KAZN: variants seen among roughly 807,000 people sequenced by gnomAD.
The protein encoded by KAZN is kazrin.
Under a neutral mutation model 87.4 loss-of-function variants are expected in KAZN, and 40 were observed. The observed-to-expected ratio is 0.46, with a 90% CI of 0.36 to 0.60. The LOEUF (loss-of-function observed/expected upper bound fraction) is 0.60, where lower values mean the gene tolerates loss of function less well. Ranked by LOEUF, KAZN falls within the 20% of genes least tolerant of loss-of-function variation. The pLI is 0.00. For synonymous variants in KAZN, 466 were observed against 458.3 expected (o/e 1.02, Z -0.22); for missense variants, 898 against 1,073.9 (o/e 0.84, Z 2.29).
chr1:14,118,053 G>T (rs1210868922), intron 1 of KAZN, among the ~76,000 whole-genome samples: 1 of 152,168 alleles, frequency 6.6e-6, no homozygotes, highest in Non-Finnish European at 1.5e-5. Context: ...TGAGACCGGG[G>T]CGTTGCATGG....
At chr1:13,907,775 A>G (rs540743341) in intron 1 of KAZN, among the ~76,000 whole-genome samples, 2 of 152,200 alleles carry the variant, frequency 1.3e-5, no homozygotes, top group East Asian at 3.9e-4. Flanking sequence ...ATGAAAGCTC[A>G]GTCTCCCCAT....
intron 2 of KAZN, among the ~76,000 whole-genome samples, chr1:14,291,868 T>C (rs1345847678): frequency 6.6e-6 from 1 of 152,220 alleles, no homozygotes; most frequent in African/African-American, 2.4e-5. Flanking sequence ...CCCCTGTGCT[T>C]GGCAGTTCTC....
At chr1:14,108,700 G>A (rs1644433285) in intron 1 of KAZN, among the ~76,000 whole-genome samples, 1 of 152,116 alleles carries the variant, frequency 6.6e-6, no homozygotes, top group Admixed American at 6.5e-5. Context: ...TTTATCTTTA[G>A]AACAAGCTGG....
intron 2 of KAZN, among the ~76,000 whole-genome samples, chr1:14,364,683 A>G (rs1181620913): frequency 6.6e-6 from 1 of 152,206 alleles, no homozygotes; most frequent in Non-Finnish European, 1.5e-5. Context: ...GACTTAAAAC[A>G]ACAGAAATTC....
chr1:15,020,698 A>G (rs963580147), intron 2 of KAZN, among the ~76,000 whole-genome samples: 1 of 152,086 alleles, frequency 6.6e-6, no homozygotes, highest in Non-Finnish European at 1.5e-5. Flanking sequence ...GGGAGTTTCT[A>G]GTTTGGAGCT....
At chr1:14,454,623 A>C (rs894891843) in intron 2 of KAZN, among the ~76,000 whole-genome samples, 1 of 152,190 alleles carries the variant, frequency 6.6e-6, no homozygotes, top group East Asian at 1.9e-4. Context: ...AGGCCAGGAA[A>C]TGTTACTTGG....
At position 14,769,301 on chromosome 1, in the gene KAZN, A is replaced by G. The variant is rs1644962374; in HGVS notation, c.226+170078A>G. On this transcript the variant is annotated intron_variant, in intron 1 of 14. Coordinates refer to ENST00000376030, the MANE Select transcript of KAZN (RefSeq NM_201628.3). The surrounding 1 kb of genome is among the most constrained non-coding windows in gnomAD (Gnocchi z 4.1). ...GCAGAACCACGTTATTGGCTTTTGG[A>G]AAGTCCCCTGAGTGTAGGGAACTAT... Among the ~76,000 whole-genome samples, 1 of 152,154 alleles carries G rather than the reference A, an allele frequency of 6.6e-6. No homozygotes were observed. The highest frequency in any genetic ancestry group is 6.5e-5 in the Admixed American group (1 of 15,276).
chr1:14,519,106 C>A (rs1671445508), intron 2 of KAZN, among the ~76,000 whole-genome samples: 1 of 152,022 alleles, frequency 6.6e-6, no homozygotes, highest in African/African-American at 2.4e-5. Context: ...GAGTCCCATT[C>A]AGCATGGACT....
At chr1:14,431,395 A>G (rs1295100264) in intron 2 of KAZN, among the ~76,000 whole-genome samples, 1 of 152,206 alleles carries the variant, frequency 6.6e-6, no homozygotes, top group Non-Finnish European at 1.5e-5. Flanking sequence ...CCAAGCCCCT[A>G]CTTGGAGGAT....
At chr1:15,000,484 T>C (rs1668353832) in intron 2 of KAZN, among the ~76,000 whole-genome samples, 1 of 151,820 alleles carries the variant, frequency 6.6e-6, no homozygotes, top group South Asian at 2.1e-4. Flanking sequence ...GAGCACCTCA[T>C]TCAAAGTAGG....
At chr1:14,232,570 C>A (rs553472801) in intron 2 of KAZN, among the ~76,000 whole-genome samples, 1 of 152,260 alleles carries the variant, frequency 6.6e-6, no homozygotes, top group South Asian at 2.1e-4. Context: ...AAGATTGCTT[C>A]TTCATAGCTC....
intron 1 of KAZN, among the ~76,000 whole-genome samples, chr1:13,918,675 A>G (rs1430365011): frequency 6.6e-6 from 1 of 152,236 alleles, no homozygotes; most frequent in African/African-American, 2.4e-5. Context: ...GATGTGGCAA[A>G]CTTTACTGTT....
At chr1:13,948,377 T>C (rs2100989506) in intron 1 of KAZN, among the ~76,000 whole-genome samples, 1 of 152,344 alleles carries the variant, frequency 6.6e-6, no homozygotes, top group East Asian at 1.9e-4. Context: ...CTGATGGTTT[T>C]ATAAGGGGCT....
intron 1 of KAZN, among the ~76,000 whole-genome samples, chr1:14,919,262 C>T (rs149391544): frequency 0.017 from 2,633 of 152,242 alleles, 35 homozygotes; most frequent in Middle Eastern, 0.031. Context: ...CTGCAACCTC[C>T]GCCTCCCAGG....
chr1:14,675,741 G>A (rs1430648857), intron 1 of KAZN, among the ~76,000 whole-genome samples: 1 of 152,204 alleles, frequency 6.6e-6, no homozygotes, highest in Non-Finnish European at 1.5e-5. Flanking sequence ...GGGAGTGGAT[G>A]TTAAGTAAAA....
chr1:14,929,148 C>A (rs1436837694), intron 1 of KAZN, among the ~76,000 whole-genome samples: 1 of 152,236 alleles, frequency 6.6e-6, no homozygotes, highest in Non-Finnish European at 1.5e-5. Flanking sequence ...GCATCCTTTC[C>A]CCCTGTGGGG....
At chr1:14,826,584 G>A (rs550112873) in intron 1 of KAZN, among the ~76,000 whole-genome samples, 5 of 152,074 alleles carry the variant, frequency 3.3e-5, no homozygotes, top group South Asian at 2.1e-4. Context: ...TCTCAGCCTC[G>A]GTCCCGCGCT....
intron 1 of KAZN, among the ~76,000 whole-genome samples, chr1:13,944,336 CAGAA>C (rs998737133): frequency 4.6e-5 from 7 of 152,120 alleles, no homozygotes; most frequent in Non-Finnish European, 7.4e-5. Context: ...TTTATAGAAA[CAGAA>C]AGCAGATTAG....
At chr1:15,050,163 T>TAGAAA (rs1392444820) in intron 4 of KAZN, among the ~76,000 whole-genome samples, 3 of 65,636 alleles carry the variant, frequency 4.6e-5, no homozygotes, top group African/African-American at 1.5e-4. Context: ...TAGAATGGAA[T>TAGAAA]AGAATAGAAT....
Sources: allele counts gnomAD v4.1 joint callset (sites outside exome capture counted in the v4.1 genomes callset), GRCh38; gene constraint gnomAD v4.1.1; non-coding constraint Gnocchi (gnomAD v3.1); transcripts MANE v1.5; gene names NCBI Gene and HGNC (gene_info 2026-07-23, HGNC 2026-07-21).